XKR4: variants seen among roughly 807,000 people sequenced by gnomAD.
XKR4 encodes XK related 4.
Under a neutral mutation model 53.9 loss-of-function variants are expected in XKR4, and 12 were observed. The observed-to-expected ratio is 0.22, with a 90% CI of 0.14 to 0.36. The LOEUF (loss-of-function observed/expected upper bound fraction) is 0.36. Ranked by LOEUF, XKR4 falls within the 10% of genes least tolerant of loss-of-function variation. The pLI, the probability that XKR4 is intolerant of heterozygous loss-of-function variation, is 1.00. For missense variants in XKR4, 799 were observed against 859.5 expected (o/e 0.93, Z 0.88); for synonymous variants, 354 against 362.4 (o/e 0.98, Z 0.26).
At chr8:55,520,559 CAG>C (rs1806783286) in intron 2 of XKR4, among the ~76,000 whole-genome samples, 1 of 152,308 alleles carries the variant, frequency 6.6e-6, no homozygotes, top group African/African-American at 2.4e-5. Flanking sequence ...GCACTCCAGC[CAG>C]AGTGAGACTC....
At chr8:55,192,223 TTACA>T (rs1817451905) in intron 1 of XKR4, among the ~76,000 whole-genome samples, 3 of 143,754 alleles carry the variant, frequency 2.1e-5, no homozygotes, top group Admixed American at 2.1e-4. Context: ...AATACAATTC[TTACA>T]AAGTCCCTTA....
At position 55,230,985 on chromosome 8, in the gene XKR4, G is replaced by C. The variant is rs148804240; in HGVS notation, c.807-126693G>C. Among the ~76,000 whole-genome samples the C allele has an allele frequency of 2.3e-3, 348 of 152,244 alleles. 1 individual carries two copies. Among genetic ancestry groups the C allele is most frequent in the African/African-American group, 7.8e-3 (326 of 41,548 alleles). On this transcript the variant is annotated intron_variant, in intron 1 of 2. Coordinates refer to ENST00000327381, the MANE Select transcript of XKR4 (RefSeq NM_052898.2). ...TCAGTCTGATTGTGTCTGAGCTCTGGGGATTTTGCTTAAGAGGCATGTGAC... is the reference window on the plus strand; with the variant it reads ...TCAGTCTGATTGTGTCTGAGCTCTGCGGATTTTGCTTAAGAGGCATGTGAC...
At chr8:55,365,410 T>C (rs1205819178) in intron 2 of XKR4, among the ~76,000 whole-genome samples, 1 of 152,142 alleles carries the variant, frequency 6.6e-6, no homozygotes, top group African/African-American at 2.4e-5. Flanking sequence ...TGTTAGATAA[T>C]TTTAAAGAAG....
chr8:55,103,016 C>T lies in XKR4; in HGVS notation c.528C>T (p.Ser176=). The T allele has an allele frequency of 6.2e-7, 1 of 1,612,350 alleles. No homozygotes were observed. The highest frequency in any genetic ancestry group is 1.3e-5 in the African/African-American group (1 of 75,058). ...TGCACGATTTCAGCACCGAGGACAG[C>T]GCCACGGCCGCTGCTGCCTCCAGCT... ...WFVHDFSTED[S]ATAAAASSCP... The change falls in exon 1 of 3, where the codon AGC becomes AGT. Residue 176 remains serine, a synonymous_variant. Coordinates refer to ENST00000327381, the MANE Select transcript of XKR4 (RefSeq NM_052898.2).
chr8:55,453,950 AC>A, intron 2 of XKR4: 1 of 685,824 alleles, frequency 1.5e-6, no homozygotes, highest in Admixed American at 1.9e-5. Flanking sequence ...ATCGTCCTCC[AC>A]CAGCCCACAC....
chr8:55,201,970 C>G (rs1817581642), intron 1 of XKR4, among the ~76,000 whole-genome samples: 1 of 152,162 alleles, frequency 6.6e-6, no homozygotes, highest in Admixed American at 6.5e-5. Flanking sequence ...GTTGCTAAAA[C>G]TGAGATATGG....
chr8:55,257,114 G>C (rs187628291), intron 1 of XKR4, among the ~76,000 whole-genome samples: 1 of 152,058 alleles, frequency 6.6e-6, no homozygotes, highest in Non-Finnish European at 1.5e-5. Context: ...TCCAACATAG[G>C]AATTTTGGGG....
chr8:55,278,881 C>A (rs965177453), intron 1 of XKR4, among the ~76,000 whole-genome samples: 1 of 152,084 alleles, frequency 6.6e-6, no homozygotes, highest in Non-Finnish European at 1.5e-5. Context: ...CTGTGGGCAA[C>A]TCTTGAGATA....
intron 1 of XKR4, among the ~76,000 whole-genome samples, chr8:55,205,576 T>C (rs1817635681): frequency 6.6e-6 from 1 of 152,258 alleles, no homozygotes; most frequent in African/African-American, 2.4e-5. Flanking sequence ...TTTAAAAAAC[T>C]AATTATTAGT....
At chr8:55,435,430 T>C (rs1244566198) in intron 2 of XKR4, among the ~76,000 whole-genome samples, 1 of 152,012 alleles carries the variant, frequency 6.6e-6, no homozygotes, top group South Asian at 2.1e-4. Flanking sequence ...AAGATCAGCA[T>C]AAAGGGTCCA....
chr8:55,189,437 T>A (rs928357671), intron 1 of XKR4, among the ~76,000 whole-genome samples: 8 of 152,002 alleles, frequency 5.3e-5, no homozygotes, highest in African/African-American at 1.9e-4. Context: ...TGTCACAGAG[T>A]GCACTTTCAC....
At chr8:55,267,828 C>T (rs913132459) in intron 1 of XKR4, among the ~76,000 whole-genome samples, 8 of 152,272 alleles carry the variant, frequency 5.3e-5, no homozygotes, top group South Asian at 2.1e-4. Flanking sequence ...CTGCACCTCA[C>T]GTCCAATTAT....
intron 2 of XKR4, among the ~76,000 whole-genome samples, chr8:55,407,423 G>A (rs1187584271): frequency 2.0e-5 from 3 of 152,212 alleles, no homozygotes; most frequent in Non-Finnish European, 2.9e-5. Flanking sequence ...TGAGAATTAC[G>A]GACTTAGAAG....
chr8:55,147,296 AT>A (rs2129355062), intron 1 of XKR4, among the ~76,000 whole-genome samples: 1 of 152,358 alleles, frequency 6.6e-6, no homozygotes, highest in Non-Finnish European at 1.5e-5. Context: ...CTGTCAGTTA[AT>A]ACAACAGCCA....
rs981586134 is a variant in XKR4 at position 55,452,248 on chromosome 8, C to G, written c.1007-71033C>G. On this transcript the variant is annotated intron_variant, in intron 2 of 2. Transcript: ENST00000327381. ...AATGTGCAGGAGCGCAGCTGCAGCC[C>G]GTCCTGCAATAGCTGATCCAAAGGG... is the stretch of plus-strand genomic sequence containing the variant. The G allele has an allele frequency of 7.8e-6, 5 of 644,482 alleles. No homozygotes were observed. The South Asian group carries it at 8.6e-5, about 11-fold the overall frequency. 39.9% of individuals were successfully genotyped at this position (644,482 alleles called of 1,614,324 possible). A position where few individuals can be genotyped will look rare whatever the true frequency, so the allele number is the denominator to read the frequency against.
intron 1 of XKR4, among the ~76,000 whole-genome samples, chr8:55,250,824 G>C (rs1007454864): frequency 6.6e-6 from 1 of 152,156 alleles, no homozygotes; most frequent in Non-Finnish European, 1.5e-5. Flanking sequence ...CATACTTTTT[G>C]AATAATTCAA....
chr8:55,436,045 C>T (rs574088779), intron 2 of XKR4, among the ~76,000 whole-genome samples: 114 of 152,224 alleles, frequency 7.5e-4, no homozygotes, highest in African/African-American at 2.5e-3. Flanking sequence ...TTTTCTCAAA[C>T]GCTGCATATT....
intron 1 of XKR4, among the ~76,000 whole-genome samples, chr8:55,258,922 A>AT: frequency 6.6e-6 from 1 of 152,294 alleles, no homozygotes; most frequent in East Asian, 1.9e-4. Context: ...ATCTTCTCAG[A>AT]TTTAAGAATA....
At chr8:55,452,837 C>T in intron 2 of XKR4, 1 of 769,874 alleles carries the variant, frequency 1.3e-6, no homozygotes, top group Non-Finnish European at 2.4e-6. Context: ...GGTCACCCAG[C>T]TCCTGAAGCA....
Sources: gnomAD v4.1 joint callset for allele counts (sites outside exome capture counted in the v4.1 genomes callset) on GRCh38, gnomAD v4.1.1 for gene constraint, MANE v1.5 for transcripts, NCBI Gene and HGNC (gene_info 2026-07-23, HGNC 2026-07-21) for gene names.